The following PPM1E variants were observed in gnomAD, a reference collection of about 807,000 sequenced individuals.
The protein encoded by PPM1E is protein phosphatase 1E.
In PPM1E, 20 loss-of-function variants were observed where a neutral mutation model predicts 65.9. That is an observed-to-expected ratio of 0.30 (90% CI 0.21 to 0.44). The LOEUF is 0.44. PPM1E is among the 20% of genes least tolerant of loss of function. PPM1E has a pLI of 1.00. For missense variants in PPM1E, 713 were observed against 953.1 expected (o/e 0.75, Z 3.32); for synonymous variants, 352 against 374.9 (o/e 0.94, Z 0.70).
chr17:58,907,214 C>G (rs534905563), intron 1 of PPM1E, among the ~76,000 whole-genome samples: 2 of 151,658 alleles, frequency 1.3e-5, no homozygotes, highest in Non-Finnish European at 2.9e-5. Context: ...CCACCGTACT[C>G]CAGACTGGGA....
chr17:58,963,641 G>A (rs754656536), intron 2 of PPM1E, among the ~76,000 whole-genome samples: 4 of 150,658 alleles, frequency 2.7e-5, no homozygotes, highest in African/African-American at 4.9e-5. Flanking sequence ...CCCAGGAGGC[G>A]AAGCTTACAG....
At chr17:58,859,945 G>C (rs1158407931) in intron 1 of PPM1E, among the ~76,000 whole-genome samples, 1 of 152,158 alleles carries the variant, frequency 6.6e-6, no homozygotes, top group Non-Finnish European at 1.5e-5. Flanking sequence ...TGATAGCTCA[G>C]GTTTCCCCTT....
intron 1 of PPM1E, among the ~76,000 whole-genome samples, chr17:58,852,121 C>T (rs576863014): frequency 1.3e-5 from 2 of 152,280 alleles, no homozygotes; most frequent in South Asian, 4.1e-4. Flanking sequence ...TTGCTAAGGC[C>T]ATTGGAAAAG....
At chr17:58,911,518 G>T (rs1430009652) in intron 1 of PPM1E, among the ~76,000 whole-genome samples, 1 of 152,154 alleles carries the variant, frequency 6.6e-6, no homozygotes, top group Non-Finnish European at 1.5e-5. Flanking sequence ...CAAAGGGTCA[G>T]TTGAAGGCTT....
At chr17:58,926,031 T>C (rs1356621254) in intron 1 of PPM1E, among the ~76,000 whole-genome samples, 1 of 152,038 alleles carries the variant, frequency 6.6e-6, no homozygotes, top group African/African-American at 2.4e-5. Context: ...TGTTAAGTGG[T>C]TTGTGTTAAG....
intron 1 of PPM1E, among the ~76,000 whole-genome samples, chr17:58,783,186 T>G (rs1034769763): frequency 6.6e-6 from 1 of 152,174 alleles, no homozygotes; most frequent in African/African-American, 2.4e-5. Context: ...GATGATCACA[T>G]TCAGAAATGA....
At chr17:58,863,010 T>A (rs1002259177) in intron 1 of PPM1E, among the ~76,000 whole-genome samples, 1 of 152,238 alleles carries the variant, frequency 6.6e-6, no homozygotes, top group Non-Finnish European at 1.5e-5. Flanking sequence ...CAGCCCTTTT[T>A]ACTATATTAT....
chr17:58,880,704 G>A (rs543477641), intron 1 of PPM1E, among the ~76,000 whole-genome samples: 2 of 152,124 alleles, frequency 1.3e-5, no homozygotes, highest in South Asian at 4.2e-4. Context: ...GCTCACTGCA[G>A]CCTCGACATC....
At chr17:58,776,677 T>C (rs2049997624) in intron 1 of PPM1E, among the ~76,000 whole-genome samples, 1 of 152,222 alleles carries the variant, frequency 6.6e-6, no homozygotes, top group Non-Finnish European at 1.5e-5. Context: ...ATTAACCACA[T>C]TGTAGAAATA....
intron 1 of PPM1E, among the ~76,000 whole-genome samples, chr17:58,823,794 G>C (rs568978315): frequency 1.7e-4 from 26 of 152,018 alleles, no homozygotes; most frequent in African/African-American, 5.1e-4. Context: ...GCAGTGGCTC[G>C]ATCTCAGCTC....
chr17:58,770,860 C>CTTT (rs781300201), intron 1 of PPM1E, among the ~76,000 whole-genome samples: 1 of 136,468 alleles, frequency 7.3e-6, no homozygotes, highest in Non-Finnish European at 1.6e-5. Context: ...TGTAACTTTT[C>CTTT]TTTTTTTTTT....
chr17:58,763,919 A>G (rs1050175919), intron 1 of PPM1E, among the ~76,000 whole-genome samples: 1 of 152,126 alleles, frequency 6.6e-6, no homozygotes, highest in Non-Finnish European at 1.5e-5. Flanking sequence ...GTTGTCTTTT[A>G]TGGATGCCTA....
intron 1 of PPM1E, among the ~76,000 whole-genome samples, chr17:58,925,830 G>A (rs1234358683): frequency 6.6e-6 from 1 of 152,056 alleles, no homozygotes. Flanking sequence ...TGTAGGTATA[G>A]CATGGGTTTC....
At chr17:58,957,099 T>C (rs188965769) in intron 2 of PPM1E, among the ~76,000 whole-genome samples, 14 of 152,352 alleles carry the variant, frequency 9.2e-5, no homozygotes, top group African/African-American at 3.1e-4. Context: ...AATGAAAAGA[T>C]AGATTAAATT....
At chr17:58,924,469 T>A (rs2051797966) in intron 1 of PPM1E, among the ~76,000 whole-genome samples, 1 of 152,152 alleles carries the variant, frequency 6.6e-6, no homozygotes, top group Admixed American at 6.5e-5. Flanking sequence ...GAGGATTGCT[T>A]GAGCCCAGGA....
intron 1 of PPM1E, among the ~76,000 whole-genome samples, chr17:58,827,852 A>G (rs1233923734): frequency 6.7e-6 from 1 of 149,684 alleles, no homozygotes; most frequent in African/African-American, 2.5e-5. Flanking sequence ...CAGTGAGCCA[A>G]GATCGTGCCA....
rs201912646 is a variant in PPM1E at position 58,934,934 on chromosome 17, A to G, written c.465-20715A>G. Among the ~76,000 whole-genome samples the G allele has an allele frequency of 9.9e-5, 15 of 151,578 alleles. No homozygotes were observed. The East Asian group carries it at 2.7e-3, about 27-fold the overall frequency. On this transcript the variant is annotated intron_variant, in intron 1 of 6. Transcript: ENST00000308249. ...AGAGCGAGACTCCGTCTCAAAAAAAAAAAGAAAATAAAATAATTTTAAAAA... is the reference window on the plus strand; with the variant it reads ...AGAGCGAGACTCCGTCTCAAAAAAAGAAAGAAAATAAAATAATTTTAAAAA...
chr17:58,897,184 G>T (rs546300876), intron 1 of PPM1E, among the ~76,000 whole-genome samples: 42 of 152,274 alleles, frequency 2.8e-4, no homozygotes, highest in African/African-American at 1.0e-3. Context: ...GGAGGCTGAG[G>T]CTGGTGGATC....
chr17:58,826,080 G>A (rs1473473418), intron 1 of PPM1E, among the ~76,000 whole-genome samples: 2 of 151,258 alleles, frequency 1.3e-5, no homozygotes, highest in Non-Finnish European at 2.9e-5. Context: ...CCTGAGGTCC[G>A]AAGTTCGAGA....
Sources: allele counts gnomAD v4.1 joint callset (sites outside exome capture counted in the v4.1 genomes callset), GRCh38; gene constraint gnomAD v4.1.1; transcripts MANE v1.5; gene names NCBI Gene and HGNC (gene_info 2026-07-23, HGNC 2026-07-21).